The following CHRM3 variants were observed in gnomAD, a reference collection of about 807,000 sequenced individuals.
CHRM3 encodes the protein muscarinic acetylcholine receptor M3.
In CHRM3, 11 loss-of-function variants were observed where a neutral mutation model predicts 41.8. The ratio of observed to expected loss-of-function variants is 0.26; its 90% CI spans 0.17 to 0.44. The LOEUF (loss-of-function observed/expected upper bound fraction) is 0.44. Ranked by LOEUF, CHRM3 falls within the 20% of genes least tolerant of loss-of-function variation. The pLI is 1.00. For missense variants in CHRM3, 571 were observed against 745.4 expected (o/e 0.77, Z 2.72); for synonymous variants, 297 against 301.4 (o/e 0.99, Z 0.15).
At chr1:239,392,974 C>T (rs1659170624) in intron 1 of CHRM3, among the ~76,000 whole-genome samples, 1 of 152,140 alleles carries the variant, frequency 6.6e-6, no homozygotes, top group African/African-American at 2.4e-5. Context: ...GAAACCTAAT[C>T]CAGTGGTATT....
intron 5 of CHRM3, among the ~76,000 whole-genome samples, chr1:239,750,335 T>C (rs1014760180): frequency 1.3e-5 from 2 of 152,206 alleles, no homozygotes; most frequent in African/African-American, 4.8e-5. Context: ...TCAGGACCTA[T>C]GGTGAATGAA....
intron 3 of CHRM3, among the ~76,000 whole-genome samples, chr1:239,588,978 A>G (rs1266115010): frequency 2.0e-5 from 3 of 151,948 alleles, no homozygotes; most frequent in African/African-American, 7.3e-5. Context: ...CTGTCCCCCA[A>G]GCTGGAGTGC....
chr1:239,870,159 A>T (rs1191498954), intron 6 of CHRM3, among the ~76,000 whole-genome samples: 2 of 152,266 alleles, frequency 1.3e-5, no homozygotes, highest in Non-Finnish European at 1.5e-5. Flanking sequence ...GCACACAAGG[A>T]GTTTATTATC....
intron 1 of CHRM3, among the ~76,000 whole-genome samples, chr1:239,476,400 G>C (rs1666472936): frequency 6.6e-6 from 1 of 151,522 alleles, no homozygotes; most frequent in Non-Finnish European, 1.5e-5. Flanking sequence ...AGGAGTTGGA[G>C]GTTGCAGTGA....
At chr1:239,742,436 G>T (rs1212536024) in intron 5 of CHRM3, among the ~76,000 whole-genome samples, 1 of 152,156 alleles carries the variant, frequency 6.6e-6, no homozygotes, top group Non-Finnish European at 1.5e-5. Flanking sequence ...AGGGTGGCTA[G>T]CAGGACTCTC....
At chr1:239,679,668 C>A (rs185539578) in intron 5 of CHRM3, among the ~76,000 whole-genome samples, 1 of 152,160 alleles carries the variant, frequency 6.6e-6, no homozygotes, top group Admixed American at 6.6e-5. Flanking sequence ...TGATTTAAGG[C>A]AGAAATTGCA....
At chr1:239,834,643 C>G (rs1201652315) in intron 6 of CHRM3, among the ~76,000 whole-genome samples, 1 of 152,174 alleles carries the variant, frequency 6.6e-6, no homozygotes, top group East Asian at 1.9e-4. Context: ...ACCTGCTCAT[C>G]ACCTCCCCTG....
chr1:239,776,946 T>C (rs1362132814), intron 5 of CHRM3, among the ~76,000 whole-genome samples: 2 of 152,288 alleles, frequency 1.3e-5, no homozygotes, highest in South Asian at 4.1e-4. Context: ...ATCCCCATGA[T>C]TGAGTTACCT....
chr1:239,398,456 G>T (rs983718826), intron 1 of CHRM3, among the ~76,000 whole-genome samples: 1 of 151,666 alleles, frequency 6.6e-6, no homozygotes. Context: ...GGCTGGTCTC[G>T]AACTCCTGAC....
chr1:239,801,664 C>A (rs896432300), intron 5 of CHRM3, among the ~76,000 whole-genome samples: 1 of 152,120 alleles, frequency 6.6e-6, no homozygotes, highest in Non-Finnish European at 1.5e-5. Context: ...AAAATGATAT[C>A]TATAATCAGC....
At chr1:239,547,137 T>C (rs1211885424) in intron 3 of CHRM3, among the ~76,000 whole-genome samples, 1 of 152,156 alleles carries the variant, frequency 6.6e-6, no homozygotes. Context: ...GAATAAAATT[T>C]TTGCATATAA....
intron 3 of CHRM3, among the ~76,000 whole-genome samples, chr1:239,595,364 G>C (rs1011642783): frequency 2.0e-5 from 3 of 152,112 alleles, no homozygotes; most frequent in Admixed American, 1.3e-4. Flanking sequence ...GATACCAAGG[G>C]ATGACTGTAG....
chr1:239,572,988 G>A (rs1416408339), intron 3 of CHRM3, among the ~76,000 whole-genome samples: 1 of 151,800 alleles, frequency 6.6e-6, no homozygotes, highest in Non-Finnish European at 1.5e-5. Context: ...TCTTCACTTC[G>A]TTGAATATCC....
intron 1 of CHRM3, among the ~76,000 whole-genome samples, chr1:239,427,627 C>T (rs1365615350): frequency 6.6e-6 from 1 of 151,976 alleles, no homozygotes; most frequent in Non-Finnish European, 1.5e-5. Flanking sequence ...CCTCCTGGGG[C>T]CCAGGGCAGG....
intron 1 of CHRM3, among the ~76,000 whole-genome samples, chr1:239,442,170 A>G (rs944732721): frequency 2.6e-5 from 4 of 151,782 alleles, no homozygotes; most frequent in Non-Finnish European, 5.9e-5. Context: ...GATAGTTTTA[A>G]TTCTCGGCTC....
chr1:239,705,646 C>T (rs561226970), intron 5 of CHRM3: 2 of 152,210 alleles, frequency 1.3e-5, no homozygotes, highest in East Asian at 3.9e-4. Context: ...ATTAAGGCCA[C>T]TCTAATAGCC....
chr1:239,803,514 T>C (rs1200212952), intron 5 of CHRM3, among the ~76,000 whole-genome samples: 1 of 152,206 alleles, frequency 6.6e-6, no homozygotes, highest in African/African-American at 2.4e-5. Context: ...TATATCAGTA[T>C]GTTAGGCAAG....
intron 5 of CHRM3, among the ~76,000 whole-genome samples, chr1:239,684,256 C>A (rs1658854272): frequency 1.3e-5 from 2 of 152,096 alleles, no homozygotes; most frequent in Admixed American, 1.3e-4. Flanking sequence ...CTGGGTGAGT[C>A]CCCTAACAGG....
chr1:239,874,285 G>A (rs1676850874), intron 6 of CHRM3, among the ~76,000 whole-genome samples: 2 of 83,250 alleles, frequency 2.4e-5, no homozygotes, highest in African/African-American at 1.2e-4. Context: ...TATATACACA[G>A]TATATATATA....
Sources: gnomAD v4.1 joint callset for allele counts (sites outside exome capture counted in the v4.1 genomes callset) on GRCh38, gnomAD v4.1.1 for gene constraint, MANE v1.5 for transcripts, NCBI Gene and HGNC (gene_info 2026-07-23, HGNC 2026-07-21) for gene names.